Variants in NRAP observed in about 807,000 individuals in gnomAD.
NRAP encodes the protein nebulin-related-anchoring protein.
NRAP carries 189 observed loss-of-function variants against 225.9 expected under a neutral mutation model. The observed-to-expected ratio is 0.84, with a 90% confidence interval of 0.74 to 0.94. The LOEUF (loss-of-function observed/expected upper bound fraction) is 0.94, where lower values mean the gene tolerates loss of function less well. Among genes scored for constraint, NRAP ranks in the 40% least tolerant of loss-of-function variants. The probability of loss-of-function intolerance (pLI) is 0.00; values close to 1 mark genes in which losing one functional copy is unlikely to be tolerated. For synonymous variants in NRAP, 769 were observed against 790.7 expected (o/e 0.97, Z 0.46); for missense variants, 2,176 against 2,168.7 (o/e 1.00, Z -0.07).
intron 21 of NRAP, among the ~76,000 whole-genome samples, chr10:113,625,806 T>C (rs1848257382): frequency 6.6e-6 from 1 of 152,112 alleles, no homozygotes; most frequent in Non-Finnish European, 1.5e-5. Context: ...TGAAAAGGAA[T>C]AAAGTCAGCC....
rs1592806462 is a variant in NRAP, at chr10:113,629,787, T to C, written c.1843-2A>G. The C allele has an allele frequency of 2.5e-6, 4 of 1,605,780 alleles. No homozygotes were observed. Among genetic ancestry groups the C allele is most frequent in the Non-Finnish European group, 3.4e-6 (4 of 1,172,514 alleles). On this transcript the variant is annotated splice_acceptor_variant, in intron 18 of 41. Transcript: ENST00000359988. LOFTEE classifies it high-confidence loss of function. ...TTCAAAGCCTTTCTTATATTCAACC[T>C]TGAATATACCAAAACAAGGCCCGTT...
rs189668060 is a variant in NRAP, at chr10:113,614,976, C to T, written c.3079-30G>A. On this transcript the variant is annotated intron_variant, in intron 27 of 41. Transcript: ENST00000359988. ...CGGGAAGATGTGCACAAGGAAAGAC[C>T]TTTAAGTGACCTGGTGGTTTCCTAA... 7.7e-5 allele frequency: 100 copies of T among 1,292,334 alleles called. 1 individual carries two copies. In the East Asian group the frequency reaches 2.3e-3, roughly 29 times the overall value. The allele number at this position is 1,292,334 out of a possible 1,614,324, so 80.1% of individuals were successfully genotyped here.
chr10:113,622,213 G>A, intron 23 of NRAP, 33 bp from the exon 24 acceptor site: 1 of 1,471,868 alleles, frequency 6.8e-7, no homozygotes. Context: ...GGATACATTA[G>A]AACCTCCTAA....
intron 35 of NRAP, among the ~76,000 whole-genome samples, chr10:113,602,140 A>T (rs1277545564): frequency 6.6e-6 from 1 of 152,200 alleles, no homozygotes; most frequent in Non-Finnish European, 1.5e-5. Context: ...GGCCTCCCAA[A>T]GTGCTGGAAT....
In NRAP at chr10:113,654,013, G is replaced by T. The variant is rs755807970; in HGVS notation, c.465+8C>A. 3 of 1,569,320 alleles carry T rather than the reference G, an allele frequency of 1.9e-6. No individual in the cohort carries two copies. The highest frequency in any genetic ancestry group is 2.2e-5 in the East Asian group (1 of 44,654). On this transcript the variant is annotated splice_region_variant and intron_variant, in intron 5 of 41. Transcript: ENST00000359988. ...ACCAATTCCTAAAGCAATTTCTAGG[G>T]TGCTTACCTCACCAAGAGACTTTCG...
chr10:113,595,798 C>T (rs1437325986), intron 37 of NRAP, 71 bp from the exon 38 acceptor site: 6 of 1,022,874 alleles, frequency 5.9e-6, no homozygotes, highest in African/African-American at 1.6e-5. Flanking sequence ...TAGCAACTGA[C>T]TCCCTTTCCT....
intron 29 of NRAP, 86 bp from the exon 30 acceptor site, chr10:113,612,517 G>T: frequency 9.0e-7 from 1 of 1,108,936 alleles, no homozygotes. Flanking sequence ...CAATGCAGTT[G>T]TCTGGAGGTA....
chr10:113,605,094 C>G (rs1846874522), intron 34 of NRAP, among the ~76,000 whole-genome samples, 174 bp from the exon 35 acceptor site: 1 of 152,208 alleles, frequency 6.6e-6, no homozygotes, highest in Non-Finnish European at 1.5e-5. Flanking sequence ...TCGCTCCATT[C>G]TTCCTATCTA....
intron 3 of NRAP, 33 bp from the exon 4 acceptor site, chr10:113,657,607 C>A (rs1205757796): frequency 1.6e-6 from 2 of 1,251,610 alleles, no homozygotes; most frequent in Admixed American, 3.5e-5. Context: ...GTAATGTTTC[C>A]ATCAGAAAAG....
intron 31 of NRAP, among the ~76,000 whole-genome samples, chr10:113,609,798 C>T (rs1356223596): frequency 6.6e-6 from 1 of 152,096 alleles, no homozygotes; most frequent in African/African-American, 2.4e-5. Context: ...CTCTGTTGGT[C>T]TTCAAAGGCT....
chr10:113,626,182 T>C (rs764461206), intron 20 of NRAP, 37 bp from the exon 21 acceptor site: 2 of 1,475,160 alleles, frequency 1.4e-6, no homozygotes, highest in East Asian at 2.4e-5. Flanking sequence ...AGCATTAGGA[T>C]TGGGTTGCCC....
At position 113,591,117 on chromosome 10, in the gene NRAP, A is replaced by T. The variant is rs78494674; in HGVS notation, c.4645-228T>A. Among the ~76,000 whole-genome samples, 268 of 152,340 alleles carry T rather than the reference A, an allele frequency of 1.8e-3. 2 individuals are homozygous for T. The highest frequency in any genetic ancestry group is 3.1e-3 in the Non-Finnish European group (213 of 68,028). The stretch of plus-strand genomic sequence containing the variant: ...AAAATTGGAGAATGATCTACACCCC[A>T]TAGGAGGTTGCGAGGATTCAACCAG... On this transcript the variant is annotated intron_variant, in intron 39 of 41. Coordinates refer to ENST00000359988, the MANE Select transcript of NRAP (RefSeq NM_198060.4).
chr10:113,604,588 A>G, intron 35 of NRAP, 21 bp downstream of exon 35: 1 of 1,600,626 alleles, frequency 6.2e-7, no homozygotes, highest in Non-Finnish European at 8.5e-7. Flanking sequence ...GCTGGTTTGC[A>G]TTCCACAAGG....
At chr10:113,599,176 T>G (rs1846455604) in intron 35 of NRAP, among the ~76,000 whole-genome samples, 1 of 152,232 alleles carries the variant, frequency 6.6e-6, no homozygotes, top group African/African-American at 2.4e-5. Context: ...TCAGCCTTTT[T>G]AGTTCTCTTT....
rs372123235 is a variant in NRAP, at chr10:113,606,281, C to T, written c.3704G>A (p.Arg1235His). 78 of 1,591,376 alleles carry T rather than the reference C, an allele frequency of 4.9e-5. No individual in the cohort carries two copies. The Middle Eastern group carries it at 6.6e-4, about 13-fold the overall frequency. ...AKFSNQITNE[R>H]LYKAAGEDAR... ...ATCCTCTCCAGCTGCTTTATAGAGG[C>T]GCTAGGCCAAAAAAATATAATAATA... Residue 1235 changes from arginine to histidine, a missense_variant and splice_region_variant, in exon 33 of 42, where the codon CGC becomes CAC. This residue lies in a region of NRAP where 1,708 missense variants were observed against 1,695.5 expected (regional missense o/e 1.01). Coordinates refer to ENST00000359988, the MANE Select transcript of NRAP (RefSeq NM_198060.4).
rs769337193 is a variant in NRAP at position 113,605,758 on chromosome 10, T to G, written c.3915+4A>C. On this transcript the variant is annotated splice_donor_region_variant and intron_variant, in intron 34 of 41. Transcript: ENST00000359988. Reference sequence around the variant, plus strand: ...AAGATGGAAGGTCATATCATTCAACTCACATCACTGGCTATATCTCCAGAG... The same window carrying G: ...AAGATGGAAGGTCATATCATTCAACGCACATCACTGGCTATATCTCCAGAG... 6 of 1,584,600 alleles carry G rather than the reference T, an allele frequency of 3.8e-6. No individual in the cohort carries two copies. The highest frequency in any genetic ancestry group is 5.2e-6 in the Non-Finnish European group (6 of 1,153,408).
chr10:113,647,614 G>T (rs1488117015), intron 9 of NRAP, among the ~76,000 whole-genome samples: 1 of 110,684 alleles, frequency 9.0e-6, no homozygotes, highest in African/African-American at 3.3e-5. Context: ...TGTCTCCCCC[G>T]GTGGTACTTC....
chr10:113,636,263 T>G (rs948673087), intron 14 of NRAP, among the ~76,000 whole-genome samples: 2 of 152,186 alleles, frequency 1.3e-5, no homozygotes, highest in Non-Finnish European at 2.9e-5. Context: ...GCCAGCCTCC[T>G]CTGGCAGCTG....
intron 38 of NRAP, among the ~76,000 whole-genome samples, chr10:113,593,189 C>A (rs1407007601): frequency 6.6e-6 from 1 of 152,088 alleles, no homozygotes; most frequent in Non-Finnish European, 1.5e-5. Context: ...AAGTGACAGC[C>A]CCAGACCGTG....
Sources: gnomAD v4.1 joint callset for allele counts (sites outside exome capture counted in the v4.1 genomes callset) on GRCh38, gnomAD v4.1.1 for gene constraint, gnomAD v4.1.1 regional missense constraint, MANE v1.5 for transcripts, NCBI Gene and HGNC (gene_info 2026-07-23, HGNC 2026-07-21) for gene names.